The following TBX15 variants were observed in gnomAD, a reference collection of about 807,000 sequenced individuals.
TBX15 encodes T-box transcription factor TBX15.
A neutral mutation model predicts 53.9 loss-of-function variants in TBX15; 18 were observed. The ratio of observed to expected loss-of-function variants is 0.33; its 90% CI spans 0.23 to 0.49. The LOEUF (loss-of-function observed/expected upper bound fraction) is 0.49. Among genes scored for constraint, TBX15 ranks in the 20% least tolerant of loss-of-function variants. TBX15 has a pLI of 0.98. For missense variants in TBX15, 692 were observed against 749.5 expected (o/e 0.92, Z 0.90); for synonymous variants, 295 against 278.0 (o/e 1.06, Z -0.61).
At chr1:118,953,355 T>C (rs1055221289) in intron 1 of TBX15, among the ~76,000 whole-genome samples, 2 of 152,214 alleles carry the variant, frequency 1.3e-5, no homozygotes, top group Non-Finnish European at 2.9e-5. Flanking sequence ...AGAGATTAAA[T>C]AGAATCTTGG....
At chr1:118,917,567 T>TA (rs1315799447) in intron 5 of TBX15, among the ~76,000 whole-genome samples, 2 of 152,160 alleles carry the variant, frequency 1.3e-5, no homozygotes, top group East Asian at 1.9e-4. Flanking sequence ...TCGTGGAACT[T>TA]AAAATAAAAT....
At chr1:118,907,799 T>A (rs946098261) in intron 6 of TBX15, among the ~76,000 whole-genome samples, 3 of 152,184 alleles carry the variant, frequency 2.0e-5, no homozygotes, top group African/African-American at 7.2e-5. Context: ...GGTTCACTAC[T>A]GGGTGTCCTT....
intron 1 of TBX15, among the ~76,000 whole-genome samples, chr1:118,978,291 C>G (rs1657505456): frequency 6.6e-6 from 1 of 152,186 alleles, no homozygotes; most frequent in Non-Finnish European, 1.5e-5. Flanking sequence ...TTAATTTCTA[C>G]AACTGCAGTA....
intron 1 of TBX15, among the ~76,000 whole-genome samples, chr1:118,944,771 C>T (rs1411381321): frequency 2.0e-5 from 3 of 152,184 alleles, no homozygotes; most frequent in Non-Finnish European, 4.4e-5. Flanking sequence ...CACAGTGGTG[C>T]CAGTTCAGCA....
At chr1:118,962,108 A>T (rs900138007) in intron 1 of TBX15, among the ~76,000 whole-genome samples, 1 of 152,224 alleles carries the variant, frequency 6.6e-6, no homozygotes, top group African/African-American at 2.4e-5. Context: ...CCTAGCCAAC[A>T]AAATTTCTTT....
rs946986211 is a variant in TBX15, at chr1:118,987,646, C to A, written c.150G>T (p.Ala50=). 4 of 1,550,004 alleles carry A rather than the reference C, an allele frequency of 2.6e-6. No individual in the cohort carries two copies. Among genetic ancestry groups the A allele is most frequent in the Non-Finnish European group, 3.5e-6 (4 of 1,146,818 alleles). Residue 50 remains alanine, a synonymous_variant, in exon 1 of 8, where the codon GCG becomes GCT. Transcript: ENST00000369429. The part of the protein sequence containing the change: ...LDLSMEALSP[A]GPLGDTEDAA... Reference sequence around the variant, plus strand: ...CGTCCTCCGTGTCTCCGAGTGGGCCCGCGGGGCTCAGCGCCTCCATAGACA... The same window carrying A: ...CGTCCTCCGTGTCTCCGAGTGGGCCAGCGGGGCTCAGCGCCTCCATAGACA...
chr1:118,977,540 A>G (rs546246898), intron 1 of TBX15, among the ~76,000 whole-genome samples: 2 of 152,076 alleles, frequency 1.3e-5, no homozygotes, highest in South Asian at 2.1e-4. Context: ...CACAGGTTCC[A>G]TGATTGCAGA....
At chr1:118,914,959 A>AC (rs1459737426) in intron 5 of TBX15, among the ~76,000 whole-genome samples, 1 of 152,016 alleles carries the variant, frequency 6.6e-6, no homozygotes, top group Non-Finnish European at 1.5e-5. Context: ...ATGTGGTTCA[A>AC]CCCCCACTCA....
intron 7 of TBX15, among the ~76,000 whole-genome samples, chr1:118,893,498 G>GAA (rs1363909623): frequency 2.6e-5 from 3 of 116,890 alleles, no homozygotes; most frequent in African/African-American, 1.6e-4. Context: ...AAGAAAGAAA[G>GAA]AAAGAAAGAA....
At chr1:118,893,517 A>AGAAAGAAAGAAAGAAG (rs1654272962) in intron 7 of TBX15, among the ~76,000 whole-genome samples, 4 of 136,346 alleles carry the variant, frequency 2.9e-5, no homozygotes, top group Admixed American at 7.1e-5. Flanking sequence ...AAAGAAAGAA[A>AGAAAGAAAGAAAGAAG]GAAAGAAAGA....
chr1:118,971,751 G>A (rs1471328627), intron 1 of TBX15, among the ~76,000 whole-genome samples: 1 of 152,188 alleles, frequency 6.6e-6, no homozygotes, highest in Non-Finnish European at 1.5e-5. Context: ...CACAGAATAA[G>A]AGGGACAGCC....
At chr1:118,911,132 G>A (rs924179744) in intron 6 of TBX15, among the ~76,000 whole-genome samples, 3 of 152,108 alleles carry the variant, frequency 2.0e-5, no homozygotes, top group Non-Finnish European at 4.4e-5. Context: ...AGGCAGAGTC[G>A]GTTTTAATAC....
At chr1:118,901,175 A>G (rs558457728) in intron 6 of TBX15, among the ~76,000 whole-genome samples, 3 of 152,178 alleles carry the variant, frequency 2.0e-5, no homozygotes, top group Non-Finnish European at 4.4e-5. Flanking sequence ...TATAAACAAT[A>G]AAGTTTATTT....
At position 118,884,880 on chromosome 1, in the gene TBX15, T is replaced by C. The variant is rs773819100; in HGVS notation, c.1661A>G (p.Glu554Gly). ...CATCCCTGACGGCAGGTACTGCCTC[T>C]CTCCAAAGGCCCCGTTGGAAGGAGA... is the stretch of plus-strand genomic sequence containing the variant. ...CSSPSNGAFG[E>G]RQYLPSGMEH... is the part of the protein sequence containing the mutation. The change falls in exon 8 of 8, where the codon GAG becomes GGG. Residue 554 changes from glutamate to glycine, a missense_variant. This residue lies in a region of TBX15 where 375 missense variants were observed against 371.6 expected (regional missense o/e 1.01). Coordinates refer to ENST00000369429, the MANE Select transcript of TBX15 (RefSeq NM_001330677.2). 6.2e-7 allele frequency: 1 copy of C among 1,614,176 alleles called. No homozygotes were observed. The highest frequency in any genetic ancestry group is 8.5e-7 in the Non-Finnish European group (1 of 1,180,012).
At chr1:118,968,156 A>G (rs1657116564) in intron 1 of TBX15, among the ~76,000 whole-genome samples, 1 of 152,200 alleles carries the variant, frequency 6.6e-6, no homozygotes, top group African/African-American at 2.4e-5. Context: ...TAAGAAAAAG[A>G]GTGGTACAGA....
At chr1:118,925,905 C>T (rs1213719160) in intron 3 of TBX15, among the ~76,000 whole-genome samples, 1 of 94,182 alleles carries the variant, frequency 1.1e-5, no homozygotes, top group Non-Finnish European at 2.3e-5. Context: ...AAATAAGCCA[C>T]AACTTTTTTT....
Position 118,934,866 on chromosome 1 carries a change from G to A in TBX15, c.206-3034C>T, listed in dbSNP as rs969709132. Among the ~76,000 whole-genome samples the A allele has an allele frequency of 2.6e-5, 4 of 152,178 alleles. No homozygotes were observed. The East Asian group carries it at 5.8e-4, about 22-fold the overall frequency. ...ATTTTCAAAGACATTTATTTAACTGGAAATACCCTGAACTTCTAGATTTTC... is the reference window on the plus strand; with the variant it reads ...ATTTTCAAAGACATTTATTTAACTGAAAATACCCTGAACTTCTAGATTTTC... On this transcript the variant is annotated intron_variant, in intron 1 of 7. Transcript: ENST00000369429.
In TBX15 at chr1:118,983,124, C is replaced by G. The variant is rs533417948; in HGVS notation, c.205+4467G>C. Among the ~76,000 whole-genome samples the G allele has an allele frequency of 1.3e-3, 200 of 152,292 alleles. 1 individual carries two copies. Among genetic ancestry groups the G allele is most frequent in the Non-Finnish European group, 2.0e-3 (139 of 68,022 alleles). On this transcript the variant is annotated intron_variant, in intron 1 of 7. Transcript: ENST00000369429. ...GCAAAAGGAGAGACCCGCACACCCC[C>G]TTGTGATCCCTGGGTCTATCATTAC... is the stretch of plus-strand genomic sequence containing the variant.
At chr1:118,927,490 A>G (rs1655637852) in intron 2 of TBX15, among the ~76,000 whole-genome samples, 1 of 152,232 alleles carries the variant, frequency 6.6e-6, no homozygotes, top group Non-Finnish European at 1.5e-5. Context: ...GTCTCCAAAC[A>G]AAGAGCCACC....
Sources: allele counts gnomAD v4.1 joint callset (sites outside exome capture counted in the v4.1 genomes callset), GRCh38; gene constraint gnomAD v4.1.1; regional missense constraint gnomAD v4.1.1; transcripts MANE v1.5; gene names NCBI Gene and HGNC (gene_info 2026-07-23, HGNC 2026-07-21).